Variants in ERC2 observed in about 807,000 individuals in gnomAD.
The protein encoded by ERC2 is ERC protein 2.
A neutral mutation model predicts 114.8 loss-of-function variants in ERC2; 42 were observed. That is an observed-to-expected ratio of 0.37 (90% confidence interval 0.29 to 0.47). The LOEUF is 0.47. ERC2 is among the 20% of genes least tolerant of loss of function. The pLI is 0.99. For missense variants in ERC2, 939 were observed against 1,150.7 expected (o/e 0.82, Z 2.66); for synonymous variants, 454 against 425.5 (o/e 1.07, Z -0.82).
intron 2 of ERC2, among the ~76,000 whole-genome samples, chr3:56,309,046 G>A (rs2056391599): frequency 6.6e-6 from 1 of 152,300 alleles, no homozygotes; most frequent in South Asian, 2.1e-4. Flanking sequence ...GCTGTGTCAT[G>A]TGTGTGAAAA....
chr3:56,378,382 G>A (rs1382980093), intron 2 of ERC2, among the ~76,000 whole-genome samples: 2 of 134,176 alleles, frequency 1.5e-5, no homozygotes, highest in Admixed American at 1.6e-4. Flanking sequence ...GAGATCACAT[G>A]GACACAGGAA....
Position 56,361,542 on chromosome 3 carries a change from A to G in ERC2, c.658-65107T>C, listed in dbSNP as rs1391729508. 4.6e-5 allele frequency among the ~76,000 whole-genome samples: 7 copies of G among 152,324 alleles called. No individual in the cohort carries two copies. In the East Asian group the frequency reaches 1.3e-3, roughly 29 times the overall value. ...AGAACCCAAAATATAAATGGTCAAG[A>G]CTCAATATTCTATGTTTTAAGGGGA... On this transcript the variant is annotated intron_variant, in intron 2 of 17. Transcript: ENST00000288221.
chr3:56,081,077 T>C (rs1314387360), intron 6 of ERC2, 93 bp from the exon 7 acceptor site: 72 of 1,380,074 alleles, frequency 5.2e-5, no homozygotes, highest in Non-Finnish European at 6.7e-5. Context: ...GGCAGCAGCA[T>C]GTTTACTGAG....
chr3:55,745,577 T>C (rs557369163), intron 14 of ERC2, among the ~76,000 whole-genome samples: 5 of 152,310 alleles, frequency 3.3e-5, no homozygotes, highest in African/African-American at 1.2e-4. Flanking sequence ...AGCCTCTCTG[T>C]TGACCATTCA....
intron 14 of ERC2, among the ~76,000 whole-genome samples, chr3:55,843,460 G>T (rs960445297): frequency 6.6e-6 from 1 of 152,080 alleles, no homozygotes; most frequent in African/African-American, 2.4e-5. Context: ...ATAGAAAGGA[G>T]AATTTTATTT....
intron 2 of ERC2, among the ~76,000 whole-genome samples, chr3:56,329,847 T>C (rs2057525761): frequency 6.6e-6 from 1 of 151,476 alleles, no homozygotes; most frequent in Non-Finnish European, 1.5e-5. Flanking sequence ...ATTTCCACTA[T>C]ATGTATTTCC....
chr3:55,564,006 T>A (rs1446867899), intron 17 of ERC2, among the ~76,000 whole-genome samples: 3 of 152,258 alleles, frequency 2.0e-5, no homozygotes, highest in African/African-American at 7.2e-5. Flanking sequence ...AGGAGGAGGA[T>A]GACACGGTTC....
intron 7 of ERC2, among the ~76,000 whole-genome samples, chr3:56,044,459 G>A (rs1485992174): frequency 6.6e-6 from 1 of 151,688 alleles, no homozygotes; most frequent in Non-Finnish European, 1.5e-5. Context: ...TGAAACCTAT[G>A]GAGGGAATAA....
chr3:56,237,425 A>G (rs1016887229), intron 3 of ERC2, among the ~76,000 whole-genome samples: 3 of 152,172 alleles, frequency 2.0e-5, no homozygotes, highest in African/African-American at 7.2e-5. Flanking sequence ...CCACCCTTTG[A>G]TCAGGGAGAA....
chr3:55,887,101 G>A (rs2063382214), intron 14 of ERC2, among the ~76,000 whole-genome samples: 2 of 152,198 alleles, frequency 1.3e-5, no homozygotes, highest in Non-Finnish European at 2.9e-5. Context: ...TAGCAGAAAC[G>A]GAGGTTGAGG....
At chr3:56,358,013 T>C (rs938801566) in intron 2 of ERC2, among the ~76,000 whole-genome samples, 7 of 151,802 alleles carry the variant, frequency 4.6e-5, no homozygotes, top group African/African-American at 1.7e-4. Flanking sequence ...ACAAGCCCCA[T>C]ACCGGCTAAG....
chr3:56,279,199 C>T (rs894289666), intron 3 of ERC2, among the ~76,000 whole-genome samples: 8 of 152,104 alleles, frequency 5.3e-5, no homozygotes, highest in African/African-American at 1.9e-4. Context: ...AAAATCATTC[C>T]CTAACAGTTT....
chr3:55,875,320 T>C (rs2062777359), intron 14 of ERC2, among the ~76,000 whole-genome samples: 2 of 152,208 alleles, frequency 1.3e-5, no homozygotes, highest in African/African-American at 2.4e-5. Context: ...TGAACTGTTA[T>C]CATAACTGCA....
intron 9 of ERC2, among the ~76,000 whole-genome samples, chr3:56,008,033 A>G (rs1360368362): frequency 6.6e-6 from 1 of 152,178 alleles, no homozygotes; most frequent in East Asian, 1.9e-4. Context: ...TAACTTGCAT[A>G]TATCACTGAA....
chr3:56,210,751 G>A (rs1415097469), intron 3 of ERC2, among the ~76,000 whole-genome samples: 1 of 152,130 alleles, frequency 6.6e-6, no homozygotes, highest in South Asian at 2.1e-4. Context: ...ACCAACTTTA[G>A]TCATCCCTGA....
In ERC2 at chr3:56,010,546, T is replaced by C. The variant is rs1164972552; in HGVS notation, c.1823A>G (p.Asp608Gly). ...TTCTATCTCTTCTAGTCTTTCCCGA[T>C]CATCTCTTTCTCGCTGTTCTTTCAA... ...ERLKEQRERD[D>G]RERLEEIESF... Residue 608 changes from aspartate to glycine, a missense_variant, in exon 9 of 18, where the codon GAT (aspartate) becomes GGT (glycine). Asp to Gly is a moderately conservative substitution (Grantham distance 94). Transcript: ENST00000288221. The C allele has an allele frequency of 2.5e-6, 4 of 1,613,648 alleles. No homozygotes were observed.
In ERC2 at chr3:55,942,389, C is replaced by T. The variant is rs796702161; in HGVS notation, c.2403+8036G>A. Among the ~76,000 whole-genome samples, 1,046 of 145,712 alleles carry T rather than the reference C, an allele frequency of 7.2e-3. 8 individuals carry two copies. Among genetic ancestry groups the T allele is most frequent in the African/African-American group, 0.025 (997 of 39,504 alleles). On this transcript the variant is annotated intron_variant, in intron 13 of 17. Coordinates refer to ENST00000288221, the MANE Select transcript of ERC2 (RefSeq NM_015576.3). ...CTGCAAGCTCCGCCTCCCGGGTTCA[C>T]GCCATTCTCCTACCTCAGCCTCCCA...
chr3:56,182,473 TAACA>T (rs1325035833), intron 3 of ERC2, among the ~76,000 whole-genome samples: 3 of 152,238 alleles, frequency 2.0e-5, no homozygotes, highest in South Asian at 2.1e-4. Flanking sequence ...TGATAATAAC[TAACA>T]GTTACTTACA....
rs75300506 is a variant in ERC2, at chr3:56,294,773, T to A, written c.1074+1246A>T. Reference sequence around the variant, plus strand: ...AAGGAGTAGGGATTATTGGAGGCCATCTTGGAAGTCTTCTCACCACATTCA... The same window carrying A: ...AAGGAGTAGGGATTATTGGAGGCCAACTTGGAAGTCTTCTCACCACATTCA... On this transcript the variant is annotated intron_variant, in intron 3 of 17. Transcript: ENST00000288221. 5.0e-4 allele frequency among the ~76,000 whole-genome samples: 76 copies of A among 152,326 alleles called. 1 individual carries two copies. The East Asian group carries it at 0.014, about 28-fold the overall frequency.
Sources: allele counts gnomAD v4.1 joint callset (sites outside exome capture counted in the v4.1 genomes callset), GRCh38; gene constraint gnomAD v4.1.1; transcripts MANE v1.5; gene names NCBI Gene and HGNC (gene_info 2026-07-23, HGNC 2026-07-21).